The following GJB4 variants were observed in gnomAD, a reference collection of about 807,000 sequenced individuals.
The protein encoded by GJB4 is gap junction beta-4 protein.
For synonymous variants in GJB4, 162 were observed against 158.1 expected (o/e 1.02, Z -0.18); for missense variants, 371 against 363.8 (o/e 1.02, Z -0.16).
Position 34,761,162 on chromosome 1 carries a change from G to A in GJB4, c.-93G>A. The A allele has an allele frequency of 1.6e-6, 2 of 1,244,950 alleles. No homozygotes were observed. The highest frequency in any genetic ancestry group is 1.2e-6 in the Non-Finnish European group (1 of 857,614). 77.1% of individuals were successfully genotyped at this position (1,244,950 alleles called of 1,614,324 possible). ...CCAGCATTAAGGGTGCCCATCTCCA[G>A]GTTCCCCCAGGCCTCAAGGCTCCCA... On this transcript the variant is annotated 5_prime_UTR_variant, in exon 2 of 2. Coordinates refer to ENST00000339480, the MANE Select transcript of GJB4 (RefSeq NM_153212.3). The surrounding 1 kb of genome is among the most constrained non-coding windows in gnomAD (Gnocchi z 4.4).
intron 1 of GJB4, among the ~76,000 whole-genome samples, chr1:34,760,478 C>A (rs891333020): frequency 6.6e-6 from 1 of 152,186 alleles, no homozygotes; most frequent in African/African-American, 2.4e-5. Flanking sequence ...GGTTGGAATT[C>A]CAGAGGAACC....
Position 34,762,139 on chromosome 1 carries a change from C to T in GJB4, c.*84C>T. The T allele has an allele frequency of 1.5e-6, 2 of 1,355,430 alleles. No homozygotes were observed. Among genetic ancestry groups the T allele is most frequent in the Admixed American group, 2.0e-5 (1 of 50,854 alleles). 84.0% of individuals were successfully genotyped at this position (1,355,430 alleles called of 1,614,324 possible). ...AAAGGCAGGGGCAGTGGCATCCTTGCCGTAGCAGGGTGGTGAGGAGGGTGG... is the reference window on the plus strand; with the variant it reads ...AAAGGCAGGGGCAGTGGCATCCTTGTCGTAGCAGGGTGGTGAGGAGGGTGG... On this transcript the variant is annotated 3_prime_UTR_variant, in exon 2 of 2. Coordinates refer to ENST00000339480, the MANE Select transcript of GJB4 (RefSeq NM_153212.3).
chr1:34,760,636 G>C (rs991996456), intron 1 of GJB4, among the ~76,000 whole-genome samples: 1 of 152,180 alleles, frequency 6.6e-6, no homozygotes, highest in Non-Finnish European at 1.5e-5. Context: ...CCAGAGGCAA[G>C]GAGTAAGGAT....
At position 34,761,831 on chromosome 1, in the gene GJB4, A is replaced by G. The variant is rs760662564; in HGVS notation, c.577A>G (p.Thr193Ala). The part of the protein sequence containing the change: ...KKVFTYFMVT[T>A]AAICILLNLS... Reference sequence around the variant, plus strand: ...GGTCTTCACCTACTTCATGGTGACCACAGCTGCCATCTGCATCCTGCTCAA... The same window carrying G: ...GGTCTTCACCTACTTCATGGTGACCGCAGCTGCCATCTGCATCCTGCTCAA... Residue 193 changes from threonine to alanine, a missense_variant, in exon 2 of 2, where the codon ACA (threonine) becomes GCA (alanine). Coordinates refer to ENST00000339480, the MANE Select transcript of GJB4 (RefSeq NM_153212.3). The surrounding 1 kb of genome is among the most constrained non-coding windows in gnomAD (Gnocchi z 4.4). 1.9e-6 allele frequency: 3 copies of G among 1,614,152 alleles called. No individual in the cohort carries two copies. In the East Asian group the frequency reaches 6.7e-5, roughly 36 times the overall value.
At position 34,762,098 on chromosome 1, in the gene GJB4, G is replaced by T; in HGVS notation, c.*43G>T. 1 of 1,548,740 alleles carries T rather than the reference G, an allele frequency of 6.5e-7. No homozygotes were observed. Among genetic ancestry groups the T allele is most frequent in the Non-Finnish European group, 8.8e-7 (1 of 1,138,032 alleles). On this transcript the variant is annotated 3_prime_UTR_variant, in exon 2 of 2. Transcript: ENST00000339480. ...TAAGATCAACAGGTCCCCCCCACAT[G>T]AGGCCACCCAGGAAAAAAGGCAGGG... is the stretch of plus-strand genomic sequence containing the variant.
chr1:34,761,733 G>A lies in GJB4; in HGVS notation c.479G>A (p.Arg160His), dbSNP rs539139170. The A allele has an allele frequency of 6.7e-5, 108 of 1,614,088 alleles. 2 individuals are homozygous for A. Among genetic ancestry groups the A allele is most frequent in the South Asian group, 6.0e-4 (55 of 91,082 alleles). The part of the protein sequence containing the change: ...HRLYKDYDMP[R>H]VVACSVEPCP... ...CTCTACAAGGATTATGACATGCCCC[G>A]CGTGGTGGCCTGCTCCGTGGAGCCT... The change falls in exon 2 of 2, where the codon CGC (arginine) becomes CAC (histidine). Residue 160 changes from arginine (R) to histidine (H), a missense_variant. Coordinates refer to ENST00000339480, the MANE Select transcript of GJB4 (RefSeq NM_153212.3). This position sits in a 1 kb window ranked among gnomAD's most constrained non-coding sequence, Gnocchi z 4.4.
Position 34,761,117 on chromosome 1 carries a change from A to G in GJB4, c.-138A>G. 1 of 769,094 alleles carries G rather than the reference A, an allele frequency of 1.3e-6. No homozygotes were observed. Among genetic ancestry groups the G allele is most frequent in the Non-Finnish European group, 2.3e-6 (1 of 442,702 alleles). 47.6% of individuals were successfully genotyped at this position (769,094 alleles called of 1,614,324 possible). The stretch of plus-strand genomic sequence containing the variant: ...AAGACATGATGACACGGTGATTGTG[A>G]AAAGATTTTGTCAATCGCACCAGCA... On this transcript the variant is annotated 5_prime_UTR_variant, in exon 2 of 2. Coordinates refer to ENST00000339480, the MANE Select transcript of GJB4 (RefSeq NM_153212.3). The surrounding 1 kb of genome is among the most constrained non-coding windows in gnomAD (Gnocchi z 4.4).
In GJB4 at chr1:34,761,953, G is replaced by A. The variant is rs145404340; in HGVS notation, c.699G>A (p.Thr233=). ...RPRCRECLPD[T]CPPYVLSQGG... ...GGTGCCGGGAATGCCTACCCGATAC[G>A]TGCCCACCATATGTCCTCTCCCAGG... The change falls in exon 2 of 2, where the codon ACG becomes ACA. Residue 233 remains threonine (T), a synonymous_variant. Transcript: ENST00000339480. This position sits in a 1 kb window ranked among gnomAD's most constrained non-coding sequence, Gnocchi z 4.4. 282 of 1,614,124 alleles carry A rather than the reference G, an allele frequency of 1.7e-4. 2 individuals carry two copies. The African/African-American group carries it at 2.9e-3, about 16-fold the overall frequency.
rs772957059 is a variant in GJB4 at position 34,761,148 on chromosome 1, G to T, written c.-107G>T. ...TTTTGTCAATCGCACCAGCATTAAG[G>T]GTGCCCATCTCCAGGTTCCCCCAGG... On this transcript the variant is annotated 5_prime_UTR_variant, in exon 2 of 2. Transcript: ENST00000339480. The surrounding 1 kb of genome is among the most constrained non-coding windows in gnomAD (Gnocchi z 4.4). 7 of 978,932 alleles carry T rather than the reference G, an allele frequency of 7.2e-6. No individual in the cohort carries two copies. The highest frequency in any genetic ancestry group is 1.1e-5 in the Non-Finnish European group (7 of 621,156). 60.6% of individuals were successfully genotyped at this position (978,932 alleles called of 1,614,324 possible).
chr1:34,760,333 G>T (rs534432515), intron 1 of GJB4, among the ~76,000 whole-genome samples: 1 of 152,092 alleles, frequency 6.6e-6, no homozygotes, highest in Non-Finnish European at 1.5e-5. Context: ...CAGGAGAGGG[G>T]CCTGAGAGGA....
rs370353561 is a variant in GJB4 at position 34,761,245 on chromosome 1, C to A, written c.-10C>A. On this transcript the variant is annotated 5_prime_UTR_variant, in exon 2 of 2. Coordinates refer to ENST00000339480, the MANE Select transcript of GJB4 (RefSeq NM_153212.3). This position sits in a 1 kb window ranked among gnomAD's most constrained non-coding sequence, Gnocchi z 4.4. ...GACCTTCCACGTGCAGCACCCAGGA[C>A]ACAGCCAGCATGAACTGGGCATTTC... 1.2e-6 allele frequency: 2 copies of A among 1,614,096 alleles called. No homozygotes were observed. The highest frequency in any genetic ancestry group is 2.2e-5 in the South Asian group (2 of 91,044).
intron 1 of GJB4, 67 bp from the exon 2 acceptor site, chr1:34,760,866 G>T (rs1180172539): frequency 3.0e-6 from 1 of 337,950 alleles, no homozygotes; most frequent in Non-Finnish European, 5.7e-6. Context: ...TGAAACTTGG[G>T]GTAATAGAGG....
At position 34,761,437 on chromosome 1, in the gene GJB4, C is replaced by A. The variant is rs75121921; in HGVS notation, c.183C>A (p.Pro61=). The A allele has an allele frequency of 2.9e-3, 4,630 of 1,614,148 alleles. 127 individuals carry two copies. The African/African-American group carries it at 0.055, about 19-fold the overall frequency. The part of the protein sequence containing the change: ...FVCNTKQPGC[P]NVCYDEFFPV... ...GCAACACCAAGCAGCCCGGCTGCCC[C>A]AACGTCTGCTATGACGAGTTCTTCC... The change falls in exon 2 of 2, where the codon CCC becomes CCA. Residue 61 remains proline (P), a synonymous_variant. Transcript: ENST00000339480. This position sits in a 1 kb window ranked among gnomAD's most constrained non-coding sequence, Gnocchi z 4.4.
chr1:34,762,203 G>T lies in GJB4; in HGVS notation c.*148G>T. On this transcript the variant is annotated 3_prime_UTR_variant, in exon 2 of 2. Coordinates refer to ENST00000339480, the MANE Select transcript of GJB4 (RefSeq NM_153212.3). ...GGAAGCTCGCCCAGGGGCCAATGTG[G>T]GAGGTTGGGGGTAGTTTGGTCCCTG... is the stretch of plus-strand genomic sequence containing the variant. The T allele has an allele frequency of 1.5e-5, 12 of 785,656 alleles. No individual in the cohort carries two copies. The highest frequency in any genetic ancestry group is 2.6e-5 in the Non-Finnish European group (12 of 458,126). 48.7% of individuals were successfully genotyped at this position (785,656 alleles called of 1,614,324 possible).
rs753849633 is a variant in GJB4, at chr1:34,761,651, C to T, written c.397C>T (p.Leu133=). The part of the protein sequence containing the change: ...KRGGLWWTYL[L]SLIFKAAVDA... ...GGGCGGACTGTGGTGGACGTACTTG[C>T]TGAGCCTCATCTTCAAGGCCGCCGT... The change falls in exon 2 of 2, where the codon CTG becomes TTG. Residue 133 remains leucine, a synonymous_variant. Coordinates refer to ENST00000339480, the MANE Select transcript of GJB4 (RefSeq NM_153212.3). This position sits in a 1 kb window ranked among gnomAD's most constrained non-coding sequence, Gnocchi z 4.4. 1.9e-6 allele frequency: 3 copies of T among 1,614,240 alleles called. No homozygotes were observed. The South Asian group carries it at 3.3e-5, about 18-fold the overall frequency.
Position 34,761,129 on chromosome 1 carries a change from C to T in GJB4, c.-126C>T. 1.2e-6 allele frequency: 1 copy of T among 819,330 alleles called. No individual in the cohort carries two copies. The highest frequency in any genetic ancestry group is 2.1e-6 in the Non-Finnish European group (1 of 484,870). The allele number at this position is 819,330 out of a possible 1,614,324, so 50.8% of individuals were successfully genotyped here. ...CACGGTGATTGTGAAAAGATTTTGT[C>T]AATCGCACCAGCATTAAGGGTGCCC... On this transcript the variant is annotated 5_prime_UTR_variant, in exon 2 of 2. Transcript: ENST00000339480. The surrounding 1 kb of genome is among the most constrained non-coding windows in gnomAD (Gnocchi z 4.4).
Position 34,761,287 on chromosome 1 carries a change from T to G in GJB4, c.33T>G (p.Ser11Arg). Residue 11 changes from serine to arginine, a missense_variant, in exon 2 of 2, where the codon AGT (serine) becomes AGG (arginine). By Grantham distance (110) the Ser-to-Arg change is moderately radical. Coordinates refer to ENST00000339480, the MANE Select transcript of GJB4 (RefSeq NM_153212.3). The surrounding 1 kb of genome is among the most constrained non-coding windows in gnomAD (Gnocchi z 4.4). MNWAFLQGLL[S>R]GVNKYSTVLS... ...GGGCATTTCTGCAGGGCCTGCTGAG[T>G]GGCGTGAACAAGTACTCCACAGTGC... is the stretch of plus-strand genomic sequence containing the variant. 7 of 1,614,170 alleles carry G rather than the reference T, an allele frequency of 4.3e-6. No individual in the cohort carries two copies. The highest frequency in any genetic ancestry group is 5.9e-6 in the Non-Finnish European group (7 of 1,180,030).
chr1:34,760,825 C>G (rs904209236), intron 1 of GJB4, 108 bp from the exon 2 acceptor site: 1 of 267,242 alleles, frequency 3.7e-6, no homozygotes, highest in Admixed American at 4.7e-5. Context: ...CCAATTCAAG[C>G]CTTCCTACGG....
rs779150355 is a variant in GJB4, at chr1:34,761,605, C to T, written c.351C>T (p.Tyr117=). Residue 117 remains tyrosine (Y), a synonymous_variant, in exon 2 of 2, where the codon TAC becomes TAT. Coordinates refer to ENST00000339480, the MANE Select transcript of GJB4 (RefSeq NM_153212.3). This position sits in a 1 kb window ranked among gnomAD's most constrained non-coding sequence, Gnocchi z 4.4. ...LKHGPNAPSL[Y]DNLSKKRGGL... ...ACGGGCCCAATGCCCCGTCCCTGTA[C>T]GACAACCTGAGCAAGAAGCGGGGCG... 1.0e-4 allele frequency: 166 copies of T among 1,614,260 alleles called. No homozygotes were observed. The highest frequency in any genetic ancestry group is 5.7e-4 in the Admixed American group (34 of 60,036).
Sources: gnomAD v4.1 joint callset for allele counts (sites outside exome capture counted in the v4.1 genomes callset) on GRCh38, gnomAD v4.1.1 for gene constraint, Gnocchi (gnomAD v3.1) non-coding constraint, MANE v1.5 for transcripts, NCBI Gene and HGNC (gene_info 2026-07-23, HGNC 2026-07-21) for gene names.